Variants in COL5A2 observed in about 807,000 individuals in gnomAD.
The protein encoded by COL5A2 is collagen type V alpha 2 chain, also known as collagen alpha-2(V) chain.
COL5A2 carries 23 observed loss-of-function variants against 208.2 expected under a neutral mutation model. That is an observed-to-expected ratio of 0.11 (90% confidence interval 0.08 to 0.16). The LOEUF (loss-of-function observed/expected upper bound fraction) is 0.16, where lower values mean the gene tolerates loss of function less well. Among genes scored for constraint, COL5A2 ranks in the 10% least tolerant of loss-of-function variants. The probability of loss-of-function intolerance (pLI) is 1.00; values close to 1 mark genes in which losing one functional copy is unlikely to be tolerated. For synonymous variants in COL5A2, 625 were observed against 628.5 expected (o/e 0.99, Z 0.08); for missense variants, 1,590 against 1,956.4 (o/e 0.81, Z 3.53).
intron 1 of COL5A2, among the ~76,000 whole-genome samples, chr2:189,167,740 A>C (rs1688494647): frequency 6.6e-6 from 1 of 150,382 alleles, no homozygotes; most frequent in Non-Finnish European, 1.5e-5. Flanking sequence ...CTCATTCCAA[A>C]TGCAACCCAG....
chr2:189,279,403 A>G, the COL5A2 span, among the ~76,000 whole-genome samples: 1 of 151,932 alleles, frequency 6.6e-6, no homozygotes, highest in East Asian at 1.9e-4. Context: ...CCTATGTCAT[A>G]TTAATAGAAA....
the COL5A2 span, among the ~76,000 whole-genome samples, chr2:189,426,336 G>A: frequency 3.3e-5 from 5 of 152,292 alleles, no homozygotes; most frequent in East Asian, 9.6e-4. Flanking sequence ...TCTGCTCACT[G>A]AGATAAATAC....
At chr2:189,051,193 G>C in intron 42 of COL5A2, 127 bp downstream of exon 42, 1 of 1,113,420 alleles carries the variant, frequency 9.0e-7, no homozygotes, top group Non-Finnish European at 1.3e-6. Context: ...TAGATTTAAT[G>C]CACTTTAAAA....
upstream of COL5A2, among the ~76,000 whole-genome samples, chr2:189,229,152 C>A (rs1023168543): frequency 1.3e-5 from 2 of 151,640 alleles, no homozygotes; most frequent in Non-Finnish European, 3.0e-5. Flanking sequence ...AAAAGGAAAT[C>A]ATCATAACAT....
rs1169967397 is a variant in COL5A2, at chr2:189,085,146, G to A, written c.798+14C>T. On this transcript the variant is annotated intron_variant, in intron 11 of 53. Transcript: ENST00000374866. ...CTTCAAAACCTGAATGGAAAATGAG[G>A]AAAGGTAGCTTACATCTTCCCCAGG... 1 of 1,609,454 alleles carries A rather than the reference G, an allele frequency of 6.2e-7. No individual in the cohort carries two copies. The highest frequency in any genetic ancestry group is 8.5e-7 in the Non-Finnish European group (1 of 1,177,008).
chr2:189,149,939 T>C (rs1336671852), intron 1 of COL5A2, among the ~76,000 whole-genome samples: 1 of 152,222 alleles, frequency 6.6e-6, no homozygotes, highest in Admixed American at 6.5e-5. Flanking sequence ...AACTTAAACA[T>C]ACACTTTTCA....
At chr2:189,174,709 T>C (rs1688644471) in intron 1 of COL5A2, among the ~76,000 whole-genome samples, 2 of 152,188 alleles carry the variant, frequency 1.3e-5, no homozygotes, top group Admixed American at 6.5e-5. Flanking sequence ...GGTGATTCTT[T>C]ATACCATTTT....
chr2:189,324,546 C>G, the COL5A2 span, among the ~76,000 whole-genome samples: 1 of 152,194 alleles, frequency 6.6e-6, no homozygotes, highest in Non-Finnish European at 1.5e-5. Flanking sequence ...ATTTATGCAG[C>G]CAACAGACAC....
At chr2:189,191,302 T>G (rs1688925293) in intron 1 of COL5A2, among the ~76,000 whole-genome samples, 1 of 151,956 alleles carries the variant, frequency 6.6e-6, no homozygotes, top group African/African-American at 2.4e-5. Context: ...CATGTTGAAT[T>G]TACAGTAAAG....
At chr2:189,251,121 G>A in the COL5A2 span, among the ~76,000 whole-genome samples, 2 of 151,730 alleles carry the variant, frequency 1.3e-5, 1 homozygote, top group South Asian at 4.2e-4. Flanking sequence ...AAATTGATGG[G>A]GGGCATGGCT....
intron 41 of COL5A2, among the ~76,000 whole-genome samples, chr2:189,051,840 G>A (rs569636857): frequency 6.6e-6 from 1 of 152,152 alleles, no homozygotes; most frequent in Non-Finnish European, 1.5e-5. Flanking sequence ...ATCTTATAAT[G>A]AATGACATTT....
chr2:189,430,850 AACAG>A, the COL5A2 span, among the ~76,000 whole-genome samples: 18 of 152,206 alleles, frequency 1.2e-4, no homozygotes, highest in Admixed American at 7.9e-4. Context: ...GAGCTCTGAG[AACAG>A]ACAGACTGCC....
At position 189,041,679 on chromosome 2, in the gene COL5A2, T is replaced by C. The variant is rs746831148; in HGVS notation, c.3540A>G (p.Pro1180=). ...GPFGPRGPPG[P]VGPSGKEGNP... ...TTCCTTCTTTACCTGAAGGACCAAC[T>C]GGGCCTGGAGGACCCTGCAAGAAAC... is the stretch of plus-strand genomic sequence containing the variant. Residue 1180 remains proline (P), a synonymous_variant, in exon 50 of 54, where the codon CCA becomes CCG. Coordinates refer to ENST00000374866, the MANE Select transcript of COL5A2 (RefSeq NM_000393.5). 11 of 1,613,946 alleles carry C rather than the reference T, an allele frequency of 6.8e-6. No homozygotes were observed. The highest frequency in any genetic ancestry group is 8.5e-7 in the Non-Finnish European group (1 of 1,179,792).
chr2:189,069,515 G>A (rs1007364643), intron 18 of COL5A2, among the ~76,000 whole-genome samples: 7 of 152,134 alleles, frequency 4.6e-5, no homozygotes, highest in Non-Finnish European at 7.4e-5. Flanking sequence ...TGCTTAAAGA[G>A]GTTGTTTCTG....
chr2:189,290,717 T>TACACACACACACAC, the COL5A2 span, among the ~76,000 whole-genome samples: 5,086 of 136,484 alleles, frequency 0.037, 148 homozygotes, highest in African/African-American at 0.056. Context: ...TTTTTGTTAA[T>TACACACACACACAC]ACACACACAC....
the COL5A2 span, among the ~76,000 whole-genome samples, chr2:189,272,963 G>A: frequency 1.1e-4 from 16 of 152,172 alleles, no homozygotes; most frequent in Admixed American, 4.6e-4. Context: ...GGAAATGACC[G>A]GGTGGTTCTC....
At chr2:189,036,930 G>T (rs765576309) in intron 51 of COL5A2, 127 bp from the exon 52 acceptor site, 10 of 781,878 alleles carry the variant, frequency 1.3e-5, no homozygotes, top group Non-Finnish European at 1.9e-5. Flanking sequence ...AAGTGAGAGT[G>T]CCCCTTACGA....
intron 16 of COL5A2, 109 bp downstream of exon 16, chr2:189,078,407 A>G (rs200895282): frequency 6.6e-6 from 5 of 756,544 alleles, no homozygotes; most frequent in Non-Finnish European, 1.1e-5. Context: ...AAAAAAAAAA[A>G]GGTGACCAGT....
intron 1 of COL5A2, among the ~76,000 whole-genome samples, chr2:189,197,694 C>T (rs1689023134): frequency 6.6e-6 from 1 of 151,812 alleles, no homozygotes; most frequent in African/African-American, 2.4e-5. Flanking sequence ...AAGTAGCCAA[C>T]TGTGAGAAAT....
Sources: allele counts gnomAD v4.1 joint callset (sites outside exome capture counted in the v4.1 genomes callset), GRCh38; gene constraint gnomAD v4.1.1; transcripts MANE v1.5; gene names NCBI Gene and HGNC (gene_info 2026-07-23, HGNC 2026-07-21).